CASK: variants seen among roughly 807,000 people sequenced by gnomAD.
CASK encodes calcium/calmodulin dependent serine protein kinase.
CASK carries 4 observed loss-of-function variants against 82.9 expected under a neutral mutation model. That is an observed-to-expected ratio of 0.05 (90% CI 0.02 to 0.11). The LOEUF is 0.11. Among genes scored for constraint, CASK ranks in the 10% least tolerant of loss-of-function variants. The pLI, the probability that CASK is intolerant of heterozygous loss-of-function variation, is 1.00. For missense variants in CASK, 358 were observed against 720.9 expected, an observed-to-expected ratio of 0.50 and a Z score of 5.76; for synonymous variants, 259 against 253.5, an observed-to-expected ratio of 1.02 and a Z score of -0.20.
chrX:41,822,776 A>T (rs2070578077), intron 2 of CASK, among the ~76,000 whole-genome samples: 1 of 108,885 alleles, frequency 9.2e-6, no homozygotes, highest in Non-Finnish European at 1.9e-5. Context: ...GAGACTGACC[A>T]ACTAGAATAT....
intron 2 of CASK, among the ~76,000 whole-genome samples, chrX:41,818,143 T>TCCTGTGTG (rs1491440224): frequency 1.3e-5 from 1 of 76,020 alleles, no homozygotes; most frequent in African/African-American, 5.2e-5. Flanking sequence ...CCAGGAGGCC[T>TCCTGTGTG]TCTGTGTGTG....
At chrX:41,789,055 A>C (rs1026290848) in intron 2 of CASK, among the ~76,000 whole-genome samples, 52 of 111,814 alleles carry the variant, frequency 4.7e-4, no homozygotes, top group African/African-American at 1.6e-3. Context: ...CAGTCCTTCC[A>C]ATAATGCCAT....
At chrX:41,859,524 C>T (rs1012298290) in intron 1 of CASK, among the ~76,000 whole-genome samples, 5 of 111,481 alleles carry the variant, frequency 4.5e-5, no homozygotes, top group Admixed American at 9.5e-5. Flanking sequence ...GCTCTCATGC[C>T]ATCAACAAGT....
At chrX:41,722,516 T>A (rs1034603564) in intron 5 of CASK, among the ~76,000 whole-genome samples, 5 of 112,460 alleles carry the variant, frequency 4.4e-5, no homozygotes, top group African/African-American at 1.6e-4. Context: ...TTCCTCACCT[T>A]TAAAATGAGA....
Position 41,652,770 on chromosome X carries a change from A to AT in CASK, c.831+7668dup, listed in dbSNP as rs35858144. Among the ~76,000 whole-genome samples the AT allele has an allele frequency of 9.2e-3, 1,038 of 112,558 alleles. 10 individuals are homozygous for AT. The highest frequency in any genetic ancestry group is 0.032 in the African/African-American group (993 of 30,981). ...CATGGAAGCTTCCCACTTCACCCCTATACCTCCATCAATGCATCTCTTCAT... is the reference window on the plus strand; with the variant it reads ...CATGGAAGCTTCCCACTTCACCCCTATTACCTCCATCAATGCATCTCTTCAT... On this transcript the variant is annotated intron_variant, in intron 8 of 26. Coordinates refer to ENST00000378163, the MANE Select transcript of CASK (RefSeq NM_001367721.1).
intron 1 of CASK, among the ~76,000 whole-genome samples, chrX:41,868,376 C>A (rs977123627): frequency 3.6e-5 from 4 of 111,557 alleles, no homozygotes; most frequent in Non-Finnish European, 7.5e-5. Context: ...GACCATTGAA[C>A]TTTTTAAAGA....
At chrX:41,793,041 T>TA (rs928288383) in intron 2 of CASK, among the ~76,000 whole-genome samples, 7 of 112,213 alleles carry the variant, frequency 6.2e-5, no homozygotes, top group Non-Finnish European at 1.9e-5. Flanking sequence ...GATGTGTTTT[T>TA]AAAAAATACT....
rs1292066312 is a variant in CASK, at chrX:41,783,464, G to A, written c.278+3714C>T. On this transcript the variant is annotated intron_variant, in intron 3 of 26. Transcript: ENST00000378163. ...CCTGGGAGGCTGAGGGAGGAGAATC[G>A]CTTGAACCTGGGAGACGGAGGTTGC... Among the ~76,000 whole-genome samples, 4 of 106,815 alleles carry A rather than the reference G, an allele frequency of 3.7e-5. No homozygotes were observed. In the East Asian group the frequency reaches 8.8e-4, roughly 23 times the overall value. 92.8% of individuals were successfully genotyped at this position (106,815 alleles called of 115,157 possible).
At position 41,518,045 on chromosome X, in the gene CASK, A is replaced by G. The variant is rs1353582515; in HGVS notation, c.*2375T>C. On this transcript the variant is annotated 3_prime_UTR_variant, in exon 27 of 27. Transcript: ENST00000378163. ...TAAAGCCACTGAGGATGAGTGCTAC[A>G]GTGCTTGTGAATTGTGGGGCCACAG... is the stretch of plus-strand genomic sequence containing the variant. 2 of 301,175 alleles carry G rather than the reference A, an allele frequency of 6.6e-6. No homozygotes were observed. Among genetic ancestry groups the G allele is most frequent in the South Asian group, 8.1e-5 (1 of 12,325 alleles). The allele number at this position is 301,175 out of a possible 1,213,427, so 24.8% of individuals were successfully genotyped here.
In CASK at chrX:41,541,404, C is replaced by T. The variant is rs147564157; in HGVS notation, c.2155+1287G>A. On this transcript the variant is annotated intron_variant, in intron 22 of 26. Transcript: ENST00000378163. The stretch of plus-strand genomic sequence containing the variant: ...ATAGTATACTTGAGCATTTGCTTAA[C>T]AGTTGCTACATTTTGTGTAACTAGT... Among the ~76,000 whole-genome samples, 505 of 111,947 alleles carry T rather than the reference C, an allele frequency of 4.5e-3. 4 individuals are homozygous for T. Among genetic ancestry groups the T allele is most frequent in the African/African-American group, 0.016 (484 of 30,849 alleles).
At chrX:41,827,216 G>A (rs2070687774) in intron 2 of CASK, among the ~76,000 whole-genome samples, 1 of 111,754 alleles carries the variant, frequency 8.9e-6, no homozygotes. Flanking sequence ...GAAAAGAGGG[G>A]TTCTGACTAG....
At chrX:41,611,147 C>T (rs1234255416) in intron 11 of CASK, among the ~76,000 whole-genome samples, 2 of 111,512 alleles carry the variant, frequency 1.8e-5, no homozygotes, top group Admixed American at 1.9e-4. Context: ...CCCAGGACAG[C>T]CCCCACAACA....
intron 8 of CASK, chrX:41,660,165 C>A: frequency 2.4e-6 from 1 of 411,078 alleles, no homozygotes; most frequent in Non-Finnish European, 4.2e-6. Flanking sequence ...ATCTTTGGAA[C>A]ACATGTTGGC....
At position 41,589,524 on chromosome X, in the gene CASK, T is replaced by G; in HGVS notation, c.1224A>C (p.Arg408Ser). ...IRNPPSDAVQ[R>S]AKEVLEEISC... ...AAAATATATCACTTACCTCTTTGGC[T>G]CTCTGTACTGCATCGCTTGGAGGAT... Residue 408 changes from arginine to serine, a missense_variant, in exon 13 of 27, where the codon AGA becomes AGC. Around this residue, in one of 5 missense-constraint regions of CASK, gnomAD observed 110 missense variants for 218.8 expected, o/e 0.50. Coordinates refer to ENST00000378163, the MANE Select transcript of CASK (RefSeq NM_001367721.1). 8.4e-7 allele frequency: 1 copy of G among 1,191,124 alleles called. No individual in the cohort carries two copies. Among genetic ancestry groups the G allele is most frequent in the East Asian group, 3.0e-5 (1 of 33,748 alleles).
intron 11 of CASK, among the ~76,000 whole-genome samples, chrX:41,614,603 C>G (rs957589361): frequency 9.2e-6 from 1 of 108,553 alleles, no homozygotes; most frequent in Non-Finnish European, 1.9e-5. Flanking sequence ...CTCACTGTAA[C>G]CTCTGCCTCC....
At chrX:41,566,620 T>C (rs1049927509) in intron 16 of CASK, among the ~76,000 whole-genome samples, 1 of 111,910 alleles carries the variant, frequency 8.9e-6, no homozygotes, top group African/African-American at 3.3e-5. Context: ...TCCATGCTCA[T>C]GGATAGGAAG....
intron 1 of CASK, among the ~76,000 whole-genome samples, chrX:41,892,511 T>G (rs1044271475): frequency 2.7e-5 from 3 of 110,173 alleles, no homozygotes. Context: ...TTTTTTGTAT[T>G]TTTAGTAGAG....
At chrX:41,640,977 CTTTTTTTTTTTTT>C (rs933827422) in intron 8 of CASK, among the ~76,000 whole-genome samples, 3 of 49,716 alleles carry the variant, frequency 6.0e-5, no homozygotes, top group Non-Finnish European at 1.1e-4. Flanking sequence ...GGTATCTCGT[CTTTTTTTTTTTTT>C]TTTTTTTTTT....
intron 1 of CASK, among the ~76,000 whole-genome samples, chrX:41,858,977 T>G (rs1226083580): frequency 8.9e-6 from 1 of 111,755 alleles, no homozygotes; most frequent in Non-Finnish European, 1.9e-5. Flanking sequence ...GAATTGTCAG[T>G]TGTAATTTTA....
Sources: gnomAD v4.1 joint callset for allele counts (sites outside exome capture counted in the v4.1 genomes callset) on GRCh38, gnomAD v4.1.1 for gene constraint, gnomAD v4.1.1 regional missense constraint, MANE v1.5 for transcripts, NCBI Gene and HGNC (gene_info 2026-07-23, HGNC 2026-07-21) for gene names.